Variants in SLA observed in about 807,000 individuals in gnomAD.
SLA encodes the protein src-like-adapter.
In SLA, 16 loss-of-function variants were observed where a neutral mutation model predicts 30.3. That is an observed-to-expected ratio of 0.53 (90% confidence interval 0.36 to 0.80). The LOEUF is 0.80. SLA is among the 30% of genes least tolerant of loss of function. SLA has a pLI of 0.01. For synonymous variants in SLA, 143 were observed against 137.8 expected (o/e 1.04, Z -0.26); for missense variants, 310 against 345.2 (o/e 0.90, Z 0.81).
chr8:133,054,935 A>G (rs754885820), intron 3 of SLA, among the ~76,000 whole-genome samples: 1 of 152,170 alleles, frequency 6.6e-6, no homozygotes, highest in Non-Finnish European at 1.5e-5. Flanking sequence ...ACTCCCACTT[A>G]TAACTGTCTA....
chr8:133,099,163 C>T (rs1278185265), intron 1 of SLA, among the ~76,000 whole-genome samples: 2 of 152,218 alleles, frequency 1.3e-5, no homozygotes, highest in African/African-American at 4.8e-5. Context: ...AATAGAGAAG[C>T]CTCTCTAAGG....
At chr8:133,082,433 T>C (rs1294516833) in intron 1 of SLA, among the ~76,000 whole-genome samples, 1 of 152,212 alleles carries the variant, frequency 6.6e-6, no homozygotes, top group Non-Finnish European at 1.5e-5. Context: ...TTGCAAACTT[T>C]CTTAAGGCCT....
intron 3 of SLA, among the ~76,000 whole-genome samples, chr8:133,055,247 A>G (rs1751403124): frequency 6.6e-6 from 1 of 152,060 alleles, no homozygotes; most frequent in Non-Finnish European, 1.5e-5. Context: ...TGTACAGCCC[A>G]GGGATTGCAG....
chr8:133,038,520 T>A lies in SLA; in HGVS notation c.*4A>T. 6.2e-7 allele frequency: 1 copy of A among 1,602,480 alleles called. No homozygotes were observed. Among genetic ancestry groups the A allele is most frequent in the Non-Finnish European group, 8.6e-7 (1 of 1,169,252 alleles). On this transcript the variant is annotated 3_prime_UTR_variant, in exon 9 of 9. Coordinates refer to ENST00000338087, the MANE Select transcript of SLA (RefSeq NM_001045556.3). ...TGGGCATGAACCATTGTGTCTGTTC[T>A]TGGCTAGTCCTCAAAGTAAGGTGGT...
chr8:133,077,060 G>A (rs981986651), intron 1 of SLA, among the ~76,000 whole-genome samples: 6 of 152,194 alleles, frequency 3.9e-5, no homozygotes, highest in African/African-American at 1.4e-4. Flanking sequence ...CTTTGCACAG[G>A]TGGCCAGTCG....
intron 1 of SLA, among the ~76,000 whole-genome samples, chr8:133,088,320 G>T (rs1334234712): frequency 2.6e-5 from 4 of 152,152 alleles, no homozygotes; most frequent in Non-Finnish European, 5.9e-5. Flanking sequence ...TTGCTGATGA[G>T]TGGCCATCCA....
chr8:133,076,921 T>C (rs1438166841), intron 1 of SLA, among the ~76,000 whole-genome samples: 1 of 152,152 alleles, frequency 6.6e-6, no homozygotes, highest in African/African-American at 2.4e-5. Flanking sequence ...GAATATGTAC[T>C]ACACAGCAGA....
chr8:133,075,181 G>A (rs1443298170), intron 1 of SLA, 51 bp from the exon 2 acceptor site: 1 of 939,270 alleles, frequency 1.1e-6, no homozygotes, highest in Admixed American at 6.2e-5. Flanking sequence ...TTGAGAATAT[G>A]GCCAGCTTAA....
intron 2 of SLA, among the ~76,000 whole-genome samples, chr8:133,065,218 G>A (rs529519683): frequency 2.0e-5 from 3 of 152,246 alleles, no homozygotes; most frequent in Non-Finnish European, 4.4e-5. Flanking sequence ...CCTCTGCCAG[G>A]CACAAAGCTA....
intron 1 of SLA, among the ~76,000 whole-genome samples, chr8:133,093,077 C>T (rs4443645): frequency 0.72 from 108,782 of 151,744 alleles, 39,445 homozygotes; most frequent in Non-Finnish European, 0.75. Flanking sequence ...CTATTCAGAA[C>T]ACGGAGTTTT....
At chr8:133,102,414 C>A in intron 1 of SLA, 139 bp downstream of exon 1, 1 of 700,966 alleles carries the variant, frequency 1.4e-6, no homozygotes, top group Non-Finnish European at 2.5e-6. Flanking sequence ...AGCAGAGACC[C>A]ACCCATTTTC....
Position 133,060,099 on chromosome 8 carries a change from C to T in SLA, c.61+1G>A, listed in dbSNP as rs1038197529. On this transcript the variant is annotated splice_donor_variant, in intron 3 of 8. Coordinates refer to ENST00000338087, the MANE Select transcript of SLA (RefSeq NM_001045556.3). LOFTEE classifies it high-confidence loss of function. ...CATCTCACCAGAGAAGCCAGACTTA[C>T]CCTCCGGGTTGGGCAGGGGCCTCTC... The T allele has an allele frequency of 5.6e-6, 9 of 1,593,634 alleles. No individual in the cohort carries two copies. The highest frequency in any genetic ancestry group is 2.2e-5 in the East Asian group (1 of 44,684).
Position 133,079,689 on chromosome 8 carries a change from C to T in SLA, c.-318-4559G>A, listed in dbSNP as rs777517288. ...CCTACTTTATAGCTTGATTTGTTTT[C>T]CTCTTTCAACAGAAATATTCAAAAG... On this transcript the variant is annotated intron_variant, in intron 1 of 8. Transcript: ENST00000338087. Among the ~76,000 whole-genome samples, 3 of 152,012 alleles carry T rather than the reference C, an allele frequency of 2.0e-5. No individual in the cohort carries two copies. In the South Asian group the frequency reaches 6.2e-4, roughly 32 times the overall value.
At chr8:133,101,606 G>A (rs565287419) in intron 1 of SLA, among the ~76,000 whole-genome samples, 1 of 152,270 alleles carries the variant, frequency 6.6e-6, no homozygotes, top group South Asian at 2.1e-4. Flanking sequence ...ACCTAAACAG[G>A]GTGTCCAGCA....
intron 1 of SLA, among the ~76,000 whole-genome samples, chr8:133,088,331 C>T (rs1846948056): frequency 6.6e-6 from 1 of 152,200 alleles, no homozygotes; most frequent in Non-Finnish European, 1.5e-5. Flanking sequence ...TGGCCATCCA[C>T]CAGCCGCTCA....
At chr8:133,077,319 C>T (rs1025543254) in intron 1 of SLA, among the ~76,000 whole-genome samples, 1 of 152,132 alleles carries the variant, frequency 6.6e-6, no homozygotes, top group Non-Finnish European at 1.5e-5. Flanking sequence ...GGAGAAGCTA[C>T]AGAAGAAGGA....
chr8:133,039,893 G>A, intron 8 of SLA, 105 bp downstream of exon 8: 1 of 1,480,368 alleles, frequency 6.8e-7, no homozygotes, highest in Non-Finnish European at 9.0e-7. Context: ...TCTGGCCATG[G>A]TTTTCATGTG....
chr8:133,069,924 C>T (rs1009379791), intron 2 of SLA, among the ~76,000 whole-genome samples: 1 of 144,560 alleles, frequency 6.9e-6, no homozygotes, highest in African/African-American at 2.6e-5. Flanking sequence ...ATGCTTGAAC[C>T]CAGGAGATGG....
At chr8:133,096,115 G>A in intron 1 of SLA, 3 of 1,482,806 alleles carry the variant, frequency 2.0e-6, no homozygotes, top group Non-Finnish European at 2.8e-6. Context: ...TGGATAACCA[G>A]TATTGGCATT....
Sources: allele counts gnomAD v4.1 joint callset (sites outside exome capture counted in the v4.1 genomes callset), GRCh38; gene constraint gnomAD v4.1.1; transcripts MANE v1.5; gene names NCBI Gene and HGNC (gene_info 2026-07-23, HGNC 2026-07-21).